The following FN1 variants were observed in gnomAD, a reference collection of about 807,000 sequenced individuals.
FN1 encodes fibronectin.
Under a neutral mutation model 297.3 loss-of-function variants are expected in FN1, and 106 were observed. That is an observed-to-expected ratio of 0.36 (90% CI 0.30 to 0.42). FN1 has a LOEUF of 0.42. Ranked by LOEUF, FN1 falls within the 10% of genes least tolerant of loss-of-function variation. The pLI is 1.00. For missense variants in FN1, 2,690 were observed against 3,124.9 expected (o/e 0.86, Z 3.32); for synonymous variants, 1,149 against 1,152.6 (o/e 1.00, Z 0.06).
At position 215,378,194 on chromosome 2, in the gene FN1, T is replaced by C. The variant is rs1132741; in HGVS notation, c.5691A>G (p.Gly1897=). The stretch of plus-strand genomic sequence containing the variant: ...ACTTACTCTCCAGAGTGGTGACAAC[T>C]CCCTGAGCTGGTCTGCTTGTCAAAG... ...KDTLTSRPAQ[G]VVTTLENVSP... is the part of the protein sequence containing the mutation. Residue 1897 remains glycine, a synonymous_variant, in exon 35 of 46, where the codon GGA becomes GGG. Transcript: ENST00000354785. 1.9e-6 allele frequency: 3 copies of C among 1,605,920 alleles called. No individual in the cohort carries two copies. The highest frequency in any genetic ancestry group is 2.6e-6 in the Non-Finnish European group (3 of 1,173,010).
At chr2:215,371,225 G>A (rs1004683551) in intron 40 of FN1, among the ~76,000 whole-genome samples, 13 of 151,694 alleles carry the variant, frequency 8.6e-5, no homozygotes, top group Admixed American at 2.0e-4. Context: ...CCGAGATCAC[G>A]CCACTGCACT....
intron 38 of FN1, among the ~76,000 whole-genome samples, chr2:215,373,702 T>TG (rs1444854495): frequency 9.3e-5 from 13 of 140,146 alleles, no homozygotes; most frequent in African/African-American, 3.4e-4. Context: ...TTTTTTGAGA[T>TG]GGAGTCTGGC....
rs2053549408 is a variant in FN1 at position 215,361,974 on chromosome 2, T to G, written c.7357A>C (p.Asn2453His). ...QYSQRYHQRT[N>H]TNVNCPIECF... ...TGTGCTGCTAATGCACTTACAGTGT[T>G]TGTTCTCTGATGGTATCTCTGAGAA... Residue 2453 changes from asparagine (N) to histidine (H), a missense_variant, in exon 45 of 46, where the codon AAC (asparagine) becomes CAC (histidine). This residue lies in a region of FN1 where 1,743 missense variants were observed against 1,945.2 expected (regional missense o/e 0.90). Coordinates refer to ENST00000354785, the MANE Select transcript of FN1 (RefSeq NM_212482.4). 6.2e-7 allele frequency: 1 copy of G among 1,613,260 alleles called. No individual in the cohort carries two copies. The highest frequency in any genetic ancestry group is 8.5e-7 in the Non-Finnish European group (1 of 1,179,258).
At chr2:215,430,375 T>C (rs953223997) in intron 5 of FN1, among the ~76,000 whole-genome samples, 26 of 152,236 alleles carry the variant, frequency 1.7e-4, no homozygotes, top group African/African-American at 6.0e-4. Context: ...TAAATCATTT[T>C]AATTTATGGG....
rs1294594766 is a variant in FN1 at position 215,408,115 on chromosome 2, G to T, written c.2511C>A (p.Pro837=). The T allele has an allele frequency of 1.2e-6, 2 of 1,613,726 alleles. No homozygotes were observed. Among genetic ancestry groups the T allele is most frequent in the South Asian group, 1.1e-5 (1 of 91,064 alleles). The stretch of plus-strand genomic sequence containing the variant: ...GGGGGACGCTTAGCTGACCTGTGAT[G>T]GGAGCCTGGGGTCTGCTCCAGCGAA... The part of the protein sequence containing the change: ...IVVRWSRPQA[P]ITGYRIVYSP... Residue 837 remains proline (P), a synonymous_variant, in exon 17 of 46, where the codon CCC becomes CCA. Coordinates refer to ENST00000354785, the MANE Select transcript of FN1 (RefSeq NM_212482.4).
At chr2:215,377,102 G>C (rs2057424584) in intron 35 of FN1, among the ~76,000 whole-genome samples, 1 of 151,936 alleles carries the variant, frequency 6.6e-6, no homozygotes, top group Non-Finnish European at 1.5e-5. Context: ...GTGTGTGTGT[G>C]TGTGTGTGTC....
Position 215,376,618 on chromosome 2 carries a change from T to C in FN1, c.5767A>G (p.Ile1923Val). The change falls in exon 36 of 46, where the codon ATT becomes GTT. Residue 1923 changes from isoleucine to valine, a missense_variant. Ile to Val is a conservative substitution (Grantham distance 29). This residue lies in a region of FN1 where 1,743 missense variants were observed against 1,945.2 expected (regional missense o/e 0.90). Coordinates refer to ENST00000354785, the MANE Select transcript of FN1 (RefSeq NM_212482.4). ...GTCTCAGTCTTGGTTCTCCAGCTAA[T>C]GGTGATGGTGGTCTCAGTAGCATCT... ...VTDATETTIT[I>V]SWRTKTETIT... 6.2e-7 allele frequency: 1 copy of C among 1,613,968 alleles called. No homozygotes were observed. Among genetic ancestry groups the C allele is most frequent in the Non-Finnish European group, 8.5e-7 (1 of 1,179,996 alleles).
Position 215,407,121 on chromosome 2 carries a change from A to G in FN1, c.2713+6T>C, listed in dbSNP as rs367675655. On this transcript the variant is annotated splice_donor_region_variant and intron_variant, in intron 18 of 45. Transcript: ENST00000354785. ...AACATAGGAAGTGTCTTCTTAAAAA[A>G]GTTACCTGAGCGTGGGGTGCCAGTG... The G allele has an allele frequency of 6.2e-7, 1 of 1,612,022 alleles. No homozygotes were observed. Among genetic ancestry groups the G allele is most frequent in the Non-Finnish European group, 8.5e-7 (1 of 1,178,242 alleles).
At chr2:215,401,227 A>G (rs368744774) in intron 20 of FN1, among the ~76,000 whole-genome samples, 161 of 56,508 alleles carry the variant, frequency 2.8e-3, no homozygotes, top group African/African-American at 8.9e-3. Flanking sequence ...AGAAAGAAAG[A>G]AAGAAAGAAA....
In FN1 at chr2:215,379,300, C is replaced by A; in HGVS notation, c.5452G>T (p.Asp1818Tyr). Reference sequence around the variant, plus strand: ...GGTGTGACCTGAGTGAACTTCAGGTCAGTTGGTGCAGGAATAGCTGTCGAG... The same window carrying A: ...GGTGTGACCTGAGTGAACTTCAGGTAAGTTGGTGCAGGAATAGCTGTCGAG... ...TQSTAIPAPT[D>Y]LKFTQVTPTS... The change falls in exon 34 of 46, where the codon GAC becomes TAC. Residue 1818 changes from aspartate (D) to tyrosine (Y), a missense_variant. This residue lies in a region of FN1 where 1,743 missense variants were observed against 1,945.2 expected (regional missense o/e 0.90). Coordinates refer to ENST00000354785, the MANE Select transcript of FN1 (RefSeq NM_212482.4). The A allele has an allele frequency of 6.2e-7, 1 of 1,613,958 alleles. No individual in the cohort carries two copies. Among genetic ancestry groups the A allele is most frequent in the South Asian group, 1.1e-5 (1 of 91,056 alleles).
In FN1 at chr2:215,419,240, A is replaced by C. The variant is rs2063864148; in HGVS notation, c.1819+2T>G. 6.2e-7 allele frequency: 1 copy of C among 1,613,764 alleles called. No individual in the cohort carries two copies. The highest frequency in any genetic ancestry group is 1.3e-5 in the African/African-American group (1 of 74,888). The stretch of plus-strand genomic sequence containing the variant: ...TCAACTTGCAGTAATAGAGCTACTT[A>C]CTTGGATAGGTCTGTAAAGGTTGGC... On this transcript the variant is annotated splice_donor_variant, in intron 12 of 45. Transcript: ENST00000354785. LOFTEE classifies it high-confidence loss of function.
chr2:215,395,908 CAA>C (rs2060255848), intron 23 of FN1, among the ~76,000 whole-genome samples: 1 of 151,620 alleles, frequency 6.6e-6, no homozygotes, highest in African/African-American at 2.4e-5. Flanking sequence ...CGAAGATTGT[CAA>C]CTTAAAGTTT....
intron 24 of FN1, chr2:215,393,870 G>A (rs971416013): frequency 1.3e-5 from 2 of 155,714 alleles, no homozygotes; most frequent in Admixed American, 1.2e-4. Context: ...AGAGTCCAAA[G>A]GGGGACACGA....
intron 20 of FN1, 85 bp from the exon 21 acceptor site, chr2:215,399,436 G>T: frequency 1.1e-6 from 1 of 939,304 alleles, no homozygotes; most frequent in Non-Finnish European, 1.8e-6. Flanking sequence ...TTTTTATGGA[G>T]AACCTCAGTT....
chr2:215,384,688 T>C, intron 29 of FN1, 172 bp downstream of exon 29: 1 of 589,506 alleles, frequency 1.7e-6, no homozygotes, highest in South Asian at 2.2e-5. Context: ...TTATTTGGGT[T>C]TTAGAACAAA....
In FN1 at chr2:215,389,923, C is replaced by T. The variant is rs2106045943; in HGVS notation, c.4253-1622G>A. 1.3e-5 allele frequency among the ~76,000 whole-genome samples: 2 copies of T among 152,310 alleles called. 1 individual carries two copies. Among genetic ancestry groups the T allele is most frequent in the Middle Eastern group, 6.8e-3 (2 of 294 alleles). On this transcript the variant is annotated intron_variant, in intron 26 of 45. Coordinates refer to ENST00000354785, the MANE Select transcript of FN1 (RefSeq NM_212482.4). ...GTGCAGCATGTTACTGTACTGAACA[C>T]TAGAGGCAACTGTAATATATGGTAA...
chr2:215,430,892 A>AT, intron 4 of FN1, 40 bp from the exon 5 acceptor site: 1 of 1,610,014 alleles, frequency 6.2e-7, no homozygotes, highest in South Asian at 1.1e-5. Flanking sequence ...AAAAAAGGTT[A>AT]TTTTGAATTG....
intron 40 of FN1, among the ~76,000 whole-genome samples, chr2:215,370,996 TG>T (rs1315430059): frequency 6.6e-6 from 1 of 152,106 alleles, no homozygotes; most frequent in East Asian, 1.9e-4. Flanking sequence ...CCGGGTGTAG[TG>T]GGTGGCTCAT....
intron 42 of FN1, among the ~76,000 whole-genome samples, chr2:215,366,837 C>T (rs890458138): frequency 1.1e-4 from 16 of 152,150 alleles, no homozygotes; most frequent in African/African-American, 3.9e-4. Flanking sequence ...AAACGTAGTT[C>T]GATTTCAGGA....
Sources: allele counts gnomAD v4.1 joint callset (sites outside exome capture counted in the v4.1 genomes callset), GRCh38; gene constraint gnomAD v4.1.1; regional missense constraint gnomAD v4.1.1; transcripts MANE v1.5; gene names NCBI Gene and HGNC (gene_info 2026-07-23, HGNC 2026-07-21).